The following DPP3 variants were observed in gnomAD, a reference collection of about 807,000 sequenced individuals.
DPP3 encodes dipeptidyl peptidase 3.
A neutral mutation model predicts 89.8 loss-of-function variants in DPP3; 64 were observed. The ratio of observed to expected loss-of-function variants is 0.71; its 90% confidence interval spans 0.58 to 0.88. DPP3 has a LOEUF of 0.88. Among genes scored for constraint, DPP3 ranks in the 40% least tolerant of loss-of-function variants. DPP3 has a pLI of 0.00. For synonymous variants in DPP3, 377 were observed against 404.3 expected (o/e 0.93, Z 0.81); for missense variants, 835 against 972.5 (o/e 0.86, Z 1.88).
intron 6 of DPP3, among the ~76,000 whole-genome samples, chr11:66,490,408 A>G (rs1855347554): frequency 6.6e-6 from 1 of 152,176 alleles, no homozygotes; most frequent in African/African-American, 2.4e-5. Context: ...TTCCTTCTGG[A>G]GTCTCAGGAA....
chr11:66,506,054 T>A (rs2134755074), intron 17 of DPP3, among the ~76,000 whole-genome samples: 1 of 152,222 alleles, frequency 6.6e-6, no homozygotes, highest in Non-Finnish European at 1.5e-5. Flanking sequence ...GTTCAAGCGA[T>A]TCTCCTGCCC....
chr11:66,498,120 G>T (rs369799859), intron 16 of DPP3, among the ~76,000 whole-genome samples: 2 of 145,730 alleles, frequency 1.4e-5, no homozygotes, highest in Non-Finnish European at 3.0e-5. Flanking sequence ...TTGAGACAGG[G>T]TCTCGCTCTG....
At chr11:66,483,033 ATT>A in intron 2 of DPP3, 1 of 86,226 alleles carries the variant, frequency 1.2e-5, no homozygotes, top group Non-Finnish European at 2.4e-5. Flanking sequence ...TTTATTTTTT[ATT>A]TTTTTTTTGT....
intron 16 of DPP3, among the ~76,000 whole-genome samples, chr11:66,498,044 T>G (rs943356382): frequency 2.0e-5 from 3 of 152,052 alleles, no homozygotes; most frequent in Non-Finnish European, 4.4e-5. Context: ...GCAATTCTCC[T>G]GCCTCAACCT....
intron 2 of DPP3, 42 bp downstream of exon 2, chr11:66,482,512 T>G: frequency 6.3e-7 from 1 of 1,583,912 alleles, no homozygotes; most frequent in Non-Finnish European, 8.6e-7. Context: ...GAGTGGCTTC[T>G]GGGTGTGAAA....
chr11:66,497,152 T>C, intron 15 of DPP3, 146 bp from the exon 16 acceptor site: 1 of 971,952 alleles, frequency 1.0e-6, no homozygotes, highest in Non-Finnish European at 1.5e-6. Flanking sequence ...ACCCGCAGGG[T>C]TGGGGAGAAT....
chr11:66,509,385 G>A lies in DPP3; in HGVS notation c.*134G>A, dbSNP rs1440312333. 1 of 1,538,866 alleles carries A rather than the reference G, an allele frequency of 6.5e-7. No homozygotes were observed. Among genetic ancestry groups the A allele is most frequent in the Admixed American group, 2.0e-5 (1 of 50,986 alleles). On this transcript the variant is annotated 3_prime_UTR_variant, in exon 18 of 18. Transcript: ENST00000531863. Reference sequence around the variant, plus strand: ...CTTGGTACTACCTCAGCTGAGGGTGGTGACACAACCCCTTCCATTTGTCAG... The same window carrying A: ...CTTGGTACTACCTCAGCTGAGGGTGATGACACAACCCCTTCCATTTGTCAG...
chr11:66,503,136 T>A (rs938354062), intron 16 of DPP3, among the ~76,000 whole-genome samples: 1 of 151,742 alleles, frequency 6.6e-6, no homozygotes, highest in Non-Finnish European at 1.5e-5. Flanking sequence ...CCTGGCTAGT[T>A]TTTATATTTT....
At chr11:66,484,656 G>C (rs922402298) in intron 2 of DPP3, among the ~76,000 whole-genome samples, 2 of 152,034 alleles carry the variant, frequency 1.3e-5, no homozygotes, top group African/African-American at 4.8e-5. Context: ...TGGGGGAAGG[G>C]AGATCCCCCA....
At chr11:66,480,595 C>T in intron 1 of DPP3, 130 bp downstream of exon 1, 1 of 1,123,424 alleles carries the variant, frequency 8.9e-7, no homozygotes, top group South Asian at 1.9e-5. Flanking sequence ...TCACCCCGCC[C>T]TCGAGGCCAA....
At chr11:66,486,492 G>GCT in intron 3 of DPP3, 48 bp from the exon 4 acceptor site, 1 of 1,442,952 alleles carries the variant, frequency 6.9e-7, no homozygotes, top group Non-Finnish European at 9.2e-7. Context: ...GCTCTGGAAG[G>GCT]CAGGTTTGGG....
chr11:66,483,921 C>T (rs549524675), intron 2 of DPP3, among the ~76,000 whole-genome samples: 27 of 152,210 alleles, frequency 1.8e-4, no homozygotes, highest in Admixed American at 9.8e-4. Context: ...AGCTAATATC[C>T]GTGGAAATGT....
In DPP3 at chr11:66,495,410, A is replaced by G; in HGVS notation, c.1498A>G (p.Ser500Gly). Reference sequence around the variant, plus strand: ...CGGGGAGACCTGGGATAGCAAGTTCAGCACCATCGCCTCCAGCTACGAAGA... The same window carrying G: ...CGGGGAGACCTGGGATAGCAAGTTCGGCACCATCGCCTCCAGCTACGAAGA... ...RSGETWDSKF[S>G]TIASSYEECR... Residue 500 changes from serine (S) to glycine (G), a missense_variant, in exon 14 of 18, where the codon AGC (serine) becomes GGC (glycine). Transcript: ENST00000531863. The G allele has an allele frequency of 1.2e-6, 2 of 1,613,186 alleles. No homozygotes were observed. Among genetic ancestry groups the G allele is most frequent in the South Asian group, 1.1e-5 (1 of 91,006 alleles).
intron 16 of DPP3, among the ~76,000 whole-genome samples, chr11:66,503,970 G>T (rs1855741252): frequency 6.6e-6 from 1 of 152,042 alleles, no homozygotes; most frequent in Non-Finnish European, 1.5e-5. Flanking sequence ...TTCATTTTCT[G>T]GTGAAGGCTG....
At chr11:66,505,102 TG>T (rs1855768531) in intron 17 of DPP3, among the ~76,000 whole-genome samples, 2 of 152,104 alleles carry the variant, frequency 1.3e-5, no homozygotes, top group Admixed American at 1.3e-4. Flanking sequence ...TTAGACCTGT[TG>T]GGTACCCAGG....
Position 66,509,239 on chromosome 11 carries a change from T to A in DPP3, c.2202T>A (p.Ser734=), listed in dbSNP as rs1855884145. 1 of 1,610,416 alleles carries A rather than the reference T, an allele frequency of 6.2e-7. No homozygotes were observed. Among genetic ancestry groups the A allele is most frequent in the Non-Finnish European group, 8.5e-7 (1 of 1,178,284 alleles). Reference sequence around the variant, plus strand: ...GGAAGGGCCCCAGTGAGGCCCCATCTGGCCAAGCTTGAGGAAGATGTGTGG... The same window carrying A: ...GGAAGGGCCCCAGTGAGGCCCCATCAGGCCAAGCTTGAGGAAGATGTGTGG... ...RFWKGPSEAP[S]GQA is the part of the protein sequence containing the mutation. Residue 734 remains serine (S), a synonymous_variant, in exon 18 of 18, where the codon TCT becomes TCA. Coordinates refer to ENST00000531863, the MANE Select transcript of DPP3 (RefSeq NM_130443.4).
chr11:66,509,120 G>A lies in DPP3; in HGVS notation c.2083G>A (p.Gly695Ser). ...QLLEYEASAA[G>S]LIRSFSERFP... ...TCTGGAATACGAGGCGTCAGCTGCT[G>A]GCCTCATCCGATCCTTCTCTGAGCG... is the stretch of plus-strand genomic sequence containing the variant. Residue 695 changes from glycine (G) to serine (S), a missense_variant, in exon 18 of 18, where the codon GGC (glycine) becomes AGC (serine). Coordinates refer to ENST00000531863, the MANE Select transcript of DPP3 (RefSeq NM_130443.4). The A allele has an allele frequency of 6.2e-7, 1 of 1,614,146 alleles. No individual in the cohort carries two copies. The highest frequency in any genetic ancestry group is 8.5e-7 in the Non-Finnish European group (1 of 1,180,030).
intron 17 of DPP3, among the ~76,000 whole-genome samples, chr11:66,507,602 G>A (rs1855836025): frequency 2.6e-5 from 4 of 151,728 alleles, no homozygotes; most frequent in Admixed American, 2.0e-4. Flanking sequence ...ATCCGGGAAC[G>A]TTCTGGGGAG....
intron 14 of DPP3, 65 bp downstream of exon 14, chr11:66,495,554 G>C (rs967594877): frequency 1.2e-6 from 2 of 1,612,372 alleles, no homozygotes; most frequent in East Asian, 2.2e-5. Context: ...GGGCGTGGAG[G>C]GTGGGTGGTA....
Sources: gnomAD v4.1 joint callset for allele counts (sites outside exome capture counted in the v4.1 genomes callset) on GRCh38, gnomAD v4.1.1 for gene constraint, MANE v1.5 for transcripts, NCBI Gene and HGNC (gene_info 2026-07-23, HGNC 2026-07-21) for gene names.